Variants in OPCML observed in about 807,000 individuals in gnomAD.
OPCML encodes the protein opioid binding protein/cell adhesion molecule like, also known as opioid-binding protein/cell adhesion molecule.
A neutral mutation model predicts 37.8 loss-of-function variants in OPCML; 13 were observed. That is an observed-to-expected ratio of 0.34 (90% CI 0.22 to 0.55). OPCML has a LOEUF of 0.55. Ranked by LOEUF, OPCML falls within the 20% of genes least tolerant of loss-of-function variation. OPCML has a pLI of 0.91. For missense variants in OPCML, 341 were observed against 435.6 expected (o/e 0.78, Z 1.93); for synonymous variants, 176 against 168.8 (o/e 1.04, Z -0.33).
intron 3 of OPCML, among the ~76,000 whole-genome samples, chr11:132,535,990 A>G (rs1246688051): frequency 1.3e-5 from 2 of 152,174 alleles, no homozygotes; most frequent in African/African-American, 4.8e-5. Context: ...TTAGAGCTGA[A>G]TCAGAACAGG....
intron 2 of OPCML, among the ~76,000 whole-genome samples, chr11:132,669,730 G>T (rs1055631055): frequency 4.6e-5 from 7 of 152,156 alleles, no homozygotes; most frequent in Admixed American, 4.6e-4. Context: ...TAGAAGAAAA[G>T]TGTCTTTTGA....
At chr11:133,421,456 A>C (rs1945885204) in intron 1 of OPCML, 3 of 985,324 alleles carry the variant, frequency 3.0e-6, no homozygotes, top group South Asian at 4.7e-5. Context: ...GGCTCAAAGA[A>C]AAAACGGAAA....
chr11:132,854,859 G>A (rs1307052651), intron 2 of OPCML, among the ~76,000 whole-genome samples: 1 of 152,222 alleles, frequency 6.6e-6, no homozygotes, highest in Non-Finnish European at 1.5e-5. Context: ...ACAGAGAGAA[G>A]TCTAGCATAA....
At chr11:133,461,010 G>A (rs1320113843) in intron 1 of OPCML, among the ~76,000 whole-genome samples, 2 of 151,766 alleles carry the variant, frequency 1.3e-5, no homozygotes, top group Non-Finnish European at 3.0e-5. Context: ...ATTTGAGTCA[G>A]AAAAAGCATT....
At chr11:133,299,750 T>C (rs1039237440) in intron 1 of OPCML, 27 of 152,168 alleles carry the variant, frequency 1.8e-4, no homozygotes, top group African/African-American at 6.5e-4. Flanking sequence ...GTCAAATTAT[T>C]AGGATGACCC....
intron 1 of OPCML, among the ~76,000 whole-genome samples, chr11:133,136,914 T>C (rs1454091961): frequency 6.7e-6 from 1 of 149,894 alleles, no homozygotes; most frequent in Non-Finnish European, 1.5e-5. Context: ...GGGGGTATTT[T>C]AGGGAATATT....
intron 4 of OPCML, among the ~76,000 whole-genome samples, chr11:132,441,975 G>A (rs974668582): frequency 6.6e-6 from 1 of 152,170 alleles, no homozygotes; most frequent in East Asian, 1.9e-4. Flanking sequence ...TAGAAATGGA[G>A]GAACAGACAG....
intron 1 of OPCML, among the ~76,000 whole-genome samples, chr11:133,181,075 C>T (rs1486985677): frequency 1.3e-5 from 2 of 152,078 alleles, no homozygotes; most frequent in African/African-American, 2.4e-5. Flanking sequence ...TGCAAAATTT[C>T]ATTTGTGTAA....
intron 2 of OPCML, among the ~76,000 whole-genome samples, chr11:132,683,647 T>C (rs1434901866): frequency 6.6e-6 from 1 of 152,228 alleles, no homozygotes; most frequent in Non-Finnish European, 1.5e-5. Flanking sequence ...CCATAACTCA[T>C]GCATTCAATT....
chr11:132,975,577 A>T (rs1413959603), intron 1 of OPCML, among the ~76,000 whole-genome samples: 2 of 119,364 alleles, frequency 1.7e-5, no homozygotes, highest in African/African-American at 6.2e-5. Context: ...AAAAAAAAAA[A>T]AAAAAACAAG....
intron 1 of OPCML, among the ~76,000 whole-genome samples, chr11:133,082,860 C>G (rs1328984575): frequency 1.3e-5 from 2 of 149,902 alleles, no homozygotes; most frequent in East Asian, 2.1e-4. Context: ...TGCCGGGGGC[C>G]CCTCCGAGCC....
intron 2 of OPCML, among the ~76,000 whole-genome samples, chr11:132,730,200 G>C (rs1024063591): frequency 9.9e-5 from 15 of 151,652 alleles, no homozygotes; most frequent in Non-Finnish European, 1.8e-4. Context: ...ATTTTCAGTA[G>C]AGATTTCTAT....
chr11:132,699,985 T>C (rs1943744162), intron 2 of OPCML, among the ~76,000 whole-genome samples: 1 of 144,804 alleles, frequency 6.9e-6, no homozygotes, highest in Admixed American at 7.2e-5. Context: ...CTTTTCTTTT[T>C]TGGGAGTTAT....
At chr11:133,334,488 C>T (rs1049929962) in intron 1 of OPCML, among the ~76,000 whole-genome samples, 5 of 151,866 alleles carry the variant, frequency 3.3e-5, no homozygotes, top group Non-Finnish European at 5.9e-5. Context: ...ACACTGGGGT[C>T]TACTTGATGG....
chr11:132,822,237 G>A (rs760648381), intron 2 of OPCML, among the ~76,000 whole-genome samples: 25 of 150,802 alleles, frequency 1.7e-4, no homozygotes, highest in African/African-American at 2.7e-4. Flanking sequence ...CTCCATGATC[G>A]TATAGGCCCT....
At chr11:133,356,708 C>T (rs1297270355) in intron 1 of OPCML, among the ~76,000 whole-genome samples, 1 of 152,216 alleles carries the variant, frequency 6.6e-6, no homozygotes, top group Non-Finnish European at 1.5e-5. Context: ...TCATGGCTGG[C>T]ATGGAACCTG....
chr11:132,546,563 A>G (rs192673550), intron 3 of OPCML, among the ~76,000 whole-genome samples: 232 of 152,298 alleles, frequency 1.5e-3, no homozygotes, highest in Middle Eastern at 3.4e-3. Flanking sequence ...ATCTTTCCAC[A>G]TATGTCAATT....
chr11:132,661,100 C>T (rs1240836531), intron 2 of OPCML, among the ~76,000 whole-genome samples: 1 of 152,126 alleles, frequency 6.6e-6, no homozygotes, highest in Non-Finnish European at 1.5e-5. Context: ...GGCCAGAACA[C>T]ACTGTCATTG....
intron 1 of OPCML, among the ~76,000 whole-genome samples, chr11:133,457,586 A>T (rs190720237): frequency 3.5e-4 from 53 of 151,582 alleles, no homozygotes; most frequent in African/African-American, 1.3e-3. Flanking sequence ...TTAATGTTAT[A>T]TTTGTCTTAA....
Sources: gnomAD v4.1 joint callset for allele counts (sites outside exome capture counted in the v4.1 genomes callset) on GRCh38, gnomAD v4.1.1 for gene constraint, MANE v1.5 for transcripts, NCBI Gene and HGNC (gene_info 2026-07-23, HGNC 2026-07-21) for gene names.